The following HMCN2 variants were observed in gnomAD, a reference collection of about 807,000 sequenced individuals.
The protein encoded by HMCN2 is hemicentin 2, also known as hemicentin-2.
A neutral mutation model predicts 377.5 loss-of-function variants in HMCN2; 325 were observed. The observed-to-expected ratio is 0.86, with a 90% CI of 0.79 to 0.94. The LOEUF (loss-of-function observed/expected upper bound fraction) is 0.94. Among genes scored for constraint, HMCN2 ranks in the 40% least tolerant of loss-of-function variants. The pLI, the probability that HMCN2 is intolerant of heterozygous loss-of-function variation, is 0.00. For synonymous variants in HMCN2, 2,007 were observed against 2,046.8 expected (o/e 0.98, Z 0.53); for missense variants, 4,543 against 4,725.3 (o/e 0.96, Z 1.13).
At chr9:130,267,889 C>T (rs1436027860) in intron 1 of HMCN2, among the ~76,000 whole-genome samples, 2 of 151,854 alleles carry the variant, frequency 1.3e-5, no homozygotes, top group South Asian at 4.1e-4. Flanking sequence ...AGGTCACCCT[C>T]CGTCTCCCCA....
In HMCN2 at chr9:130,420,625, C is replaced by G. The variant is rs551257535; in HGVS notation, c.13231+1584C>G. Reference sequence around the variant, plus strand: ...TGTGGGGAGGATCTGGTCTGGGTCTCTCTCCCAGGGTCTTGGTGGTGGTCC... The same window carrying G: ...TGTGGGGAGGATCTGGTCTGGGTCTGTCTCCCAGGGTCTTGGTGGTGGTCC... On this transcript the variant is annotated intron_variant, in intron 86 of 97. Transcript: ENST00000683500. 1.1e-4 allele frequency among the ~76,000 whole-genome samples: 17 copies of G among 152,094 alleles called. No homozygotes were observed. In the South Asian group the frequency reaches 2.3e-3, roughly 21 times the overall value.
chr9:130,302,746 G>C (rs1554934916), intron 8 of HMCN2, 111 bp from the exon 9 acceptor site: 2 of 312,878 alleles, frequency 6.4e-6, no homozygotes, highest in Non-Finnish European at 1.3e-5. Flanking sequence ...GGGGAGCCAG[G>C]GGTTGAATCC....
rs1222617324 is a variant in HMCN2 at position 130,401,174 on chromosome 9, A to G, written c.11770+227A>G. ...GTGGTTCCCCAAGGCCCTCTGGCAT[A>G]CAAGTGCTATTTCATGGCAAAATAA... is the stretch of plus-strand genomic sequence containing the variant. On this transcript the variant is annotated intron_variant, in intron 77 of 97. Transcript: ENST00000683500. 2.0e-5 allele frequency among the ~76,000 whole-genome samples: 3 copies of G among 152,334 alleles called. No individual in the cohort carries two copies. In the East Asian group the frequency reaches 5.8e-4, roughly 29 times the overall value.
chr9:130,304,582 C>T lies in HMCN2; in HGVS notation c.1544-148C>T, dbSNP rs556569728. The T allele has an allele frequency of 8.4e-6, 3 of 357,720 alleles. No homozygotes were observed. The highest frequency in any genetic ancestry group is 6.4e-5 in the African/African-American group (3 of 47,102). 22.2% of individuals were successfully genotyped at this position (357,720 alleles called of 1,614,324 possible). A position where few individuals can be genotyped will look rare whatever the true frequency, so the allele number is the denominator to read the frequency against. ...CCTGATGGTGAGCAGATGCTGGTCA[C>T]CCTATGCTGCTAGCTGACATGTCCT... On this transcript the variant is annotated intron_variant, in intron 10 of 97. Coordinates refer to ENST00000683500, the MANE Select transcript of HMCN2 (RefSeq NM_001291815.2). The surrounding 1 kb of genome is among the most constrained non-coding windows in gnomAD (Gnocchi z 4.3).
chr9:130,377,691 C>T lies in HMCN2; in HGVS notation c.8104C>T (p.Arg2702Ter). The change falls in exon 53 of 98, where the codon CGA becomes TGA. Residue 2702 changes from arginine to a stop codon, truncating the protein, a stop_gained. Coordinates refer to ENST00000683500, the MANE Select transcript of HMCN2 (RefSeq NM_001291815.2). LOFTEE classifies it high-confidence loss of function. ...GCGGCTGCAGGTCCTGGGTGAAGGG[C>T]GACTGCTCCAGATCCAGCCCACACA... ...SSRLQVLGEG[R>*]LLQIQPTQVS... The T allele has an allele frequency of 2.0e-6, 2 of 985,950 alleles. No individual in the cohort carries two copies. Among genetic ancestry groups the T allele is most frequent in the Non-Finnish European group, 1.2e-6 (1 of 829,982 alleles). The allele number at this position is 985,950 out of a possible 1,614,324, so 61.1% of individuals were successfully genotyped here. A position where few individuals can be genotyped will look rare whatever the true frequency, so the allele number is the denominator to read the frequency against.
intron 1 of HMCN2, among the ~76,000 whole-genome samples, chr9:130,282,613 G>C (rs1395471848): frequency 6.6e-6 from 1 of 152,200 alleles, no homozygotes; most frequent in Non-Finnish European, 1.5e-5. Context: ...GGCCACGGGG[G>C]AAGCTGGTGT....
intron 23 of HMCN2, among the ~76,000 whole-genome samples, chr9:130,339,204 A>G (rs1459003786): frequency 6.6e-6 from 1 of 152,092 alleles, no homozygotes; most frequent in Non-Finnish European, 1.5e-5. Flanking sequence ...AACAAAACAA[A>G]AATTCAGTGT....
At position 130,361,739 on chromosome 9, in the gene HMCN2, C is replaced by A. The variant is rs912268952; in HGVS notation, c.5951-269C>A. 6.6e-6 allele frequency among the ~76,000 whole-genome samples: 1 copy of A among 152,204 alleles called. No individual in the cohort carries two copies. Among genetic ancestry groups the A allele is most frequent in the Non-Finnish European group, 1.5e-5 (1 of 68,030 alleles). On this transcript the variant is annotated intron_variant, in intron 38 of 97. Transcript: ENST00000683500. The surrounding 1 kb of genome is among the most constrained non-coding windows in gnomAD (Gnocchi z 4.8). The stretch of plus-strand genomic sequence containing the variant: ...CTTCTGCTGACCAGAGGCCTGAGTG[C>A]GAGTGCTGCTTCCTGGGTGGTCAGC...
At chr9:130,386,092 G>A (rs1013332404) in intron 60 of HMCN2, among the ~76,000 whole-genome samples, 1 of 152,062 alleles carries the variant, frequency 6.6e-6, no homozygotes, top group South Asian at 2.1e-4. Flanking sequence ...CCCTCCTTCC[G>A]TGGAGTGGAT....
rs746126221 is a variant in HMCN2, at chr9:130,391,065, C to T, written c.9612C>T (p.Cys3204=). The stretch of plus-strand genomic sequence containing the variant: ...CGGCCCAGGCGGGCACCTACACGTG[C>T]GTGGCTGAGAACACCCAGGCTGAGG... ...LQPAQAGTYT[C]VAENTQAEAR... Residue 3204 remains cysteine (C), a synonymous_variant, in exon 63 of 98, where the codon TGC becomes TGT. Transcript: ENST00000683500. 5.1e-5 allele frequency: 50 copies of T among 987,874 alleles called. No homozygotes were observed. Among genetic ancestry groups the T allele is most frequent in the Admixed American group, 6.1e-5 (1 of 16,286 alleles). The allele number at this position is 987,874 out of a possible 1,614,324, so 61.2% of individuals were successfully genotyped here. A position where few individuals can be genotyped will look rare whatever the true frequency, so the allele number is the denominator to read the frequency against.
chr9:130,270,104 C>A (rs1218114313), intron 1 of HMCN2, among the ~76,000 whole-genome samples: 1 of 147,902 alleles, frequency 6.8e-6, no homozygotes, highest in Non-Finnish European at 1.5e-5. Flanking sequence ...AGCTACCATG[C>A]CTGGCCTTAA....
intron 90 of HMCN2, among the ~76,000 whole-genome samples, chr9:130,426,729 A>G (rs918388412): frequency 6.6e-6 from 1 of 150,452 alleles, no homozygotes; most frequent in African/African-American, 2.4e-5. Context: ...AAATTTATAA[A>G]CTTTCTTAAA....
chr9:130,296,640 T>C (rs1554932212), intron 6 of HMCN2, 34 bp from the exon 7 acceptor site: 2 of 469,386 alleles, frequency 4.3e-6, no homozygotes, highest in South Asian at 3.1e-5. Context: ...TGGGGTCCCA[T>C]CCTCTGGTGA....
At chr9:130,400,720 G>A in intron 76 of HMCN2, 63 bp from the exon 77 acceptor site, 1 of 1,193,770 alleles carries the variant, frequency 8.4e-7, no homozygotes, top group Non-Finnish European at 1.1e-6. Context: ...TTACCCCCTG[G>A]CCCTGTGGCC....
chr9:130,353,265 G>T (rs1161320964), intron 31 of HMCN2, 60 bp downstream of exon 31: 1 of 1,263,946 alleles, frequency 7.9e-7, no homozygotes, highest in Non-Finnish European at 1.0e-6. Flanking sequence ...AGCCATGGTG[G>T]CCCCTGCCTG....
rs557747466 is a variant in HMCN2, at chr9:130,367,669, C to T, written c.6626-607C>T. Among the ~76,000 whole-genome samples the T allele has an allele frequency of 2.6e-5, 4 of 151,962 alleles. No homozygotes were observed. The South Asian group carries it at 6.2e-4, about 24-fold the overall frequency. On this transcript the variant is annotated intron_variant, in intron 43 of 97. Coordinates refer to ENST00000683500, the MANE Select transcript of HMCN2 (RefSeq NM_001291815.2). ...AAGGATCCCAGGGGGAGGCTGGTCG[C>T]GGTGGCTCACACCTGTAATCCCAGC...
At chr9:130,400,143 A>G (rs1421988560) in intron 76 of HMCN2, 3 of 152,642 alleles carry the variant, frequency 2.0e-5, no homozygotes, top group East Asian at 3.9e-4. Context: ...TTCCCTTCAG[A>G]TCGCAGGTTA....
chr9:130,345,181 T>C (rs1839309949), intron 25 of HMCN2, among the ~76,000 whole-genome samples: 2 of 143,828 alleles, frequency 1.4e-5, no homozygotes, highest in Admixed American at 1.4e-4. Context: ...TGTATGGTGG[T>C]GTGTGTAGTG....
chr9:130,397,303 C>T (rs553574217), intron 73 of HMCN2, among the ~76,000 whole-genome samples: 16 of 152,296 alleles, frequency 1.1e-4, no homozygotes, highest in East Asian at 3.9e-4. Context: ...GAGATCAGCA[C>T]GGGAAAGACC....
Sources: gnomAD v4.1 joint callset for allele counts (sites outside exome capture counted in the v4.1 genomes callset) on GRCh38, gnomAD v4.1.1 for gene constraint, Gnocchi (gnomAD v3.1) non-coding constraint, MANE v1.5 for transcripts, NCBI Gene and HGNC (gene_info 2026-07-23, HGNC 2026-07-21) for gene names.